The following PLCXD2 variants were observed in gnomAD, a reference collection of about 807,000 sequenced individuals.
PLCXD2 encodes PI-PLC X domain-containing protein 2.
A neutral mutation model predicts 28.6 loss-of-function variants in PLCXD2; 21 were observed. The ratio of observed to expected loss-of-function variants is 0.73; its 90% CI spans 0.52 to 1.06. The LOEUF (loss-of-function observed/expected upper bound fraction) is 1.06. Ranked by LOEUF, PLCXD2 falls within the 50% of genes least tolerant of loss-of-function variation. The pLI, the probability that PLCXD2 is intolerant of heterozygous loss-of-function variation, is 0.00. For missense variants in PLCXD2, 369 were observed against 376.7 expected (o/e 0.98, Z 0.17); for synonymous variants, 140 against 150.1 (o/e 0.93, Z 0.49).
At chr3:111,723,470 T>C (rs1463795683) in intron 3 of PLCXD2, 1 of 152,204 alleles carries the variant, frequency 6.6e-6, no homozygotes, top group Non-Finnish European at 1.5e-5. Context: ...CCCAGAAAAC[T>C]GTACCAAGGT....
rs144945154 is a variant in PLCXD2 at position 111,705,546 on chromosome 3, G to C, written c.164-2380G>C. 1.1e-3 allele frequency among the ~76,000 whole-genome samples: 171 copies of C among 152,202 alleles called. 2 individuals are homozygous for C. The highest frequency in any genetic ancestry group is 3.6e-3 in the African/African-American group (150 of 41,530). ...TACCTATTAATGGGGTTGCTGGATT[G>C]TGTAGTAGTTCTACATTTAGTTTTT... On this transcript the variant is annotated intron_variant, in intron 1 of 4. Transcript: ENST00000477665.
chr3:111,677,335 A>G (rs1940639116), intron 1 of PLCXD2: 1 of 152,190 alleles, frequency 6.6e-6, no homozygotes, highest in Non-Finnish European at 1.5e-5. Context: ...CTCGAGCTTC[A>G]TACTCACCAG....
chr3:111,692,064 C>T (rs1432471202), intron 1 of PLCXD2, among the ~76,000 whole-genome samples: 3 of 152,112 alleles, frequency 2.0e-5, no homozygotes, highest in Admixed American at 6.5e-5. Flanking sequence ...TTTTTTGAGA[C>T]GGAGTCTGGC....
intron 3 of PLCXD2, among the ~76,000 whole-genome samples, chr3:111,716,131 C>T (rs574357681): frequency 8.5e-5 from 13 of 152,290 alleles, no homozygotes; most frequent in African/African-American, 2.9e-4. Flanking sequence ...GCCCCCCTGC[C>T]GGCCATAAGA....
intron 1 of PLCXD2, among the ~76,000 whole-genome samples, chr3:111,688,945 A>T (rs1364619226): frequency 1.3e-5 from 2 of 152,126 alleles, no homozygotes; most frequent in African/African-American, 2.4e-5. Flanking sequence ...TACTTAATAT[A>T]TACCTAATAT....
chr3:111,699,251 G>C (rs554167308), intron 1 of PLCXD2, among the ~76,000 whole-genome samples: 1 of 152,150 alleles, frequency 6.6e-6, no homozygotes, highest in African/African-American at 2.4e-5. Flanking sequence ...TACAAGTGTG[G>C]TCATCATGTA....
chr3:111,681,489 A>G (rs1025049015), intron 1 of PLCXD2, among the ~76,000 whole-genome samples: 2 of 152,120 alleles, frequency 1.3e-5, no homozygotes, highest in East Asian at 3.9e-4. Flanking sequence ...ATCCTTATAC[A>G]TGTTTTATAA....
Position 111,714,059 on chromosome 3 carries a change from T to C in PLCXD2, c.797T>C (p.Ile266Thr). Residue 266 changes from isoleucine (I) to threonine (T), a missense_variant, in exon 3 of 5, where the codon ATC (isoleucine) becomes ACC (threonine). Physicochemically the swap from Ile to Thr is moderately conservative, Grantham distance 89 (BLOSUM62 -1). Coordinates refer to ENST00000477665, the MANE Select transcript of PLCXD2 (RefSeq NM_001185106.1). ...GGCTCCTTCCATGTCTCCCAAGCGATCCTCACCCCCAGAGTGAAGACCATT... is the reference window on the plus strand; with the variant it reads ...GGCTCCTTCCATGTCTCCCAAGCGACCCTCACCCCCAGAGTGAAGACCATT... 6.2e-7 allele frequency: 1 copy of C among 1,614,126 alleles called. No individual in the cohort carries two copies. The highest frequency in any genetic ancestry group is 8.5e-7 in the Non-Finnish European group (1 of 1,180,010).
chr3:111,708,494 A>G, intron 2 of PLCXD2, 108 bp downstream of exon 2: 1 of 1,084,372 alleles, frequency 9.2e-7, no homozygotes, highest in Non-Finnish European at 1.3e-6. Flanking sequence ...TAGGCTAAAG[A>G]GTGGATTGTT....
intron 1 of PLCXD2, among the ~76,000 whole-genome samples, chr3:111,707,362 CT>C (rs2107861950): frequency 6.6e-6 from 1 of 152,184 alleles, no homozygotes; most frequent in East Asian, 1.9e-4. Flanking sequence ...GAAATCCTGC[CT>C]TTCCTAGAAT....
chr3:111,679,981 G>T (rs1387778876), intron 1 of PLCXD2, among the ~76,000 whole-genome samples: 1 of 152,072 alleles, frequency 6.6e-6, no homozygotes, highest in Non-Finnish European at 1.5e-5. Context: ...CCTTCCCTTG[G>T]CAGGGTCAAC....
chr3:111,687,745 G>T, intron 1 of PLCXD2, among the ~76,000 whole-genome samples: 1 of 149,670 alleles, frequency 6.7e-6, no homozygotes, highest in Non-Finnish European at 1.5e-5. Context: ...GGAGTACAGT[G>T]ACGTGACCAT....
Position 111,675,287 on chromosome 3 carries a change from G to C in PLCXD2, c.42G>C (p.Gly14=). 3 of 1,614,138 alleles carry C rather than the reference G, an allele frequency of 1.9e-6. No homozygotes were observed. The highest frequency in any genetic ancestry group is 2.5e-6 in the Non-Finnish European group (3 of 1,180,038). Residue 14 remains glycine, a synonymous_variant, in exon 1 of 5, where the codon GGG becomes GGC. Transcript: ENST00000477665. ...AGGCCAGGAGGAAACTCAGGATGGG[G>C]ACCATCTGCTCCCCCAACCCCAGCG... is the stretch of plus-strand genomic sequence containing the variant.
Position 111,683,945 on chromosome 3 carries a change from T to C in PLCXD2, c.163+8537T>C, listed in dbSNP as rs556182030. Among the ~76,000 whole-genome samples, 4 of 152,198 alleles carry C rather than the reference T, an allele frequency of 2.6e-5. No individual in the cohort carries two copies. In the South Asian group the frequency reaches 8.3e-4, roughly 32 times the overall value. The stretch of plus-strand genomic sequence containing the variant: ...GATCTTGAAGAGAGGGAATGGCCCA[T>C]TTAACAAACCAAAATAGTTTATTAT... On this transcript the variant is annotated intron_variant, in intron 1 of 4. Transcript: ENST00000477665.
At chr3:111,721,629 T>G (rs564587378) in intron 3 of PLCXD2, 1 of 152,332 alleles carries the variant, frequency 6.6e-6, no homozygotes, top group African/African-American at 2.4e-5. Flanking sequence ...GGAGATCTTT[T>G]TAGCGTGGGG....
At chr3:111,678,524 G>A (rs1243852147) in intron 1 of PLCXD2, among the ~76,000 whole-genome samples, 2 of 152,072 alleles carry the variant, frequency 1.3e-5, no homozygotes, top group African/African-American at 4.8e-5. Context: ...ACATTTTAAT[G>A]CTATTTCATT....
chr3:111,726,813 G>A (rs938356487), intron 3 of PLCXD2: 1 of 152,072 alleles, frequency 6.6e-6, no homozygotes, highest in Non-Finnish European at 1.5e-5. Flanking sequence ...AAAATATGAT[G>A]ACCTGATGTG....
chr3:111,694,922 T>A (rs529982639), intron 1 of PLCXD2, among the ~76,000 whole-genome samples: 84 of 152,308 alleles, frequency 5.5e-4, no homozygotes, highest in Non-Finnish European at 1.0e-3. Flanking sequence ...CCTGTATGCA[T>A]ATTGAGACAT....
chr3:111,692,091 G>C (rs1940886011), intron 1 of PLCXD2, among the ~76,000 whole-genome samples: 1 of 152,224 alleles, frequency 6.6e-6, no homozygotes, highest in Admixed American at 6.5e-5. Flanking sequence ...GCCCATGCTG[G>C]AGTGCAGTGG....
Sources: allele counts gnomAD v4.1 joint callset (sites outside exome capture counted in the v4.1 genomes callset), GRCh38; gene constraint gnomAD v4.1.1; transcripts MANE v1.5; gene names NCBI Gene and HGNC (gene_info 2026-07-23, HGNC 2026-07-21).